SPATA1: variants seen among roughly 807,000 people sequenced by gnomAD.
The protein encoded by SPATA1 is spermatogenesis-associated protein 1.
SPATA1 carries 57 observed loss-of-function variants against 59.6 expected under a neutral mutation model. The ratio of observed to expected loss-of-function variants is 0.96; its 90% CI spans 0.77 to 1.19. The LOEUF is 1.19. Among genes scored for constraint, SPATA1 ranks in the 50% most tolerant of loss-of-function variants. The probability of loss-of-function intolerance (pLI) is 0.00; values close to 1 mark genes in which losing one functional copy is unlikely to be tolerated. For missense variants in SPATA1, 448 were observed against 480.7 expected (o/e 0.93, Z 0.64); for synonymous variants, 147 against 163.9 (o/e 0.90, Z 0.79).
At chr1:84,508,534 GACC>G (rs1226150027) in intron 1 of SPATA1, among the ~76,000 whole-genome samples, 2 of 152,160 alleles carry the variant, frequency 1.3e-5, no homozygotes, top group African/African-American at 4.8e-5. Context: ...GCCAAGAAAA[GACC>G]ACCAAGTAAT....
rs1265149184 is a variant in SPATA1 at position 84,560,040 on chromosome 1, C to T, written n.442+4061C>T. Among the ~76,000 whole-genome samples, 7 of 139,316 alleles carry T rather than the reference C, an allele frequency of 5.0e-5. No individual in the cohort carries two copies. The East Asian group carries it at 1.5e-3, about 30-fold the overall frequency. The allele number at this position is 139,316 out of a possible 152,430, so 91.4% of individuals were successfully genotyped here. On this transcript the variant is annotated intron_variant and non_coding_transcript_variant, in intron 4 of 4. Transcript: ENST00000460286. ...CAGAGGGTGCAGTGAACCCAGAGGG[C>T]GCCACTGCACTACAGCCTGGGCGAC...
chr1:84,516,283 G>T, exon 2 of SPATA1: 3 of 1,261,370 alleles, frequency 2.4e-6, no homozygotes, highest in Non-Finnish European at 3.2e-6. Context: ...TTTTTATTTA[G>T]TACTACTTAA....
chr1:84,513,695 C>T (rs1307117312), intron 1 of SPATA1, among the ~76,000 whole-genome samples: 2 of 152,206 alleles, frequency 1.3e-5, no homozygotes, highest in African/African-American at 2.4e-5. Flanking sequence ...GTTACTTCCT[C>T]AGTTTGCTTC....
chr1:84,563,335 C>G (rs1055940606), intron 4 of SPATA1: 1 of 1,598,622 alleles, frequency 6.3e-7, no homozygotes, highest in Admixed American at 1.7e-5. Context: ...GCTTCATGAT[C>G]GTTTTGTAGG....
At chr1:84,545,222 A>T (rs186481270) in intron 9 of SPATA1, among the ~76,000 whole-genome samples, 2,309 of 148,554 alleles carry the variant, frequency 0.016, 59 homozygotes, top group African/African-American at 0.053. Context: ...ATCTCAAAAA[A>T]ATATATATAT....
chr1:84,539,052 C>T (rs187364782), intron 8 of SPATA1, among the ~76,000 whole-genome samples: 1 of 152,312 alleles, frequency 6.6e-6, no homozygotes, highest in African/African-American at 2.4e-5. Flanking sequence ...CGGCCCTCCT[C>T]AGCCTCCCAA....
intron 1 of SPATA1, among the ~76,000 whole-genome samples, chr1:84,512,249 T>G (rs1424108400): frequency 6.6e-6 from 1 of 152,220 alleles, no homozygotes; most frequent in African/African-American, 2.4e-5. Flanking sequence ...ACTTGTTGCA[T>G]TCCTTGAGCA....
chr1:84,544,093 C>T (rs1683999060), intron 8 of SPATA1, 109 bp from the exon 9 acceptor site: 1 of 714,916 alleles, frequency 1.4e-6, no homozygotes, highest in Non-Finnish European at 2.4e-6. Context: ...TTCATCACCA[C>T]TAAGTAAAAA....
intron 12 of SPATA1, chr1:84,550,799 T>C: frequency 2.0e-6 from 2 of 1,023,484 alleles, no homozygotes; most frequent in South Asian, 4.6e-5. Flanking sequence ...TGTGAGTCAA[T>C]ATATTCTCAA....
At chr1:84,517,085 C>A (rs1682826721) in intron 2 of SPATA1, among the ~76,000 whole-genome samples, 1 of 152,158 alleles carries the variant, frequency 6.6e-6, no homozygotes, top group Non-Finnish European at 1.5e-5. Flanking sequence ...CCTTTCATTA[C>A]TAAATCTGTT....
At chr1:84,521,330 A>T (rs959809587) in intron 3 of SPATA1, among the ~76,000 whole-genome samples, 2 of 152,206 alleles carry the variant, frequency 1.3e-5, no homozygotes, top group African/African-American at 4.8e-5. Flanking sequence ...GTATTTTCAA[A>T]TTCACAAAAA....
At chr1:84,554,813 T>A (rs1803276), downstream of SPATA1, 10,778 of 524,316 alleles carry the variant, frequency 0.021, 992 homozygotes, top group African/African-American at 0.19. Flanking sequence ...GCTTCTTGCC[T>A]TTATGTTCCT....
chr1:84,524,984 G>T lies in SPATA1; in HGVS notation c.262-712G>T, dbSNP rs1268057457. 4.6e-5 allele frequency among the ~76,000 whole-genome samples: 7 copies of T among 152,134 alleles called. No individual in the cohort carries two copies. The South Asian group carries it at 8.3e-4, about 18-fold the overall frequency. On this transcript the variant is annotated intron_variant, in intron 4 of 12. Transcript: ENST00000490879. ...CAGTATTTGTGTTTTGTTTTGTTTT[G>T]TTTTGTTTTTGAGACAGAGTCTCCC... is the stretch of plus-strand genomic sequence containing the variant.
At chr1:84,520,802 C>A (rs572389945) in intron 3 of SPATA1, 111 bp downstream of exon 3, 2 of 710,322 alleles carry the variant, frequency 2.8e-6, no homozygotes, top group Admixed American at 6.2e-5. Context: ...ATTTTGTCCA[C>A]GTGATAGATC....
chr1:84,544,221 TCA>T lies in SPATA1; in HGVS notation c.739_740del (p.Thr247ProfsTer19). 2 of 1,599,956 alleles carry T rather than the reference TCA, an allele frequency of 1.3e-6. No homozygotes were observed. Among genetic ancestry groups the T allele is most frequent in the Non-Finnish European group, 1.7e-6 (2 of 1,172,304 alleles). On this transcript the variant is annotated frameshift_variant, in exon 9 of 13. Coordinates refer to ENST00000490879, the Ensembl canonical transcript of SPATA1. LOFTEE classifies it high-confidence loss of function. ...TTACAGACAGCTGAAAAAGAGTACATCACCCTACCAGATCACCCTTCACTTCC... is the reference window on the plus strand; with the variant it reads ...TTACAGACAGCTGAAAAAGAGTACATCCCTACCAGATCACCCTTCACTTCC...
At chr1:84,529,613 C>A (rs1315457114) in intron 6 of SPATA1, among the ~76,000 whole-genome samples, 1 of 115,658 alleles carries the variant, frequency 8.6e-6, no homozygotes, top group East Asian at 2.6e-4. Context: ...GACGGAGTCT[C>A]GCTCTGTTGC....
At chr1:84,532,461 A>C (rs1471500666) in intron 6 of SPATA1, among the ~76,000 whole-genome samples, 1 of 151,996 alleles carries the variant, frequency 6.6e-6, no homozygotes, top group African/African-American at 2.4e-5. Flanking sequence ...GCACCACTGC[A>C]CTCCAGCCTG....
At chr1:84,507,494 A>G (rs1010707741) in intron 1 of SPATA1, among the ~76,000 whole-genome samples, 1 of 152,218 alleles carries the variant, frequency 6.6e-6, no homozygotes, top group Non-Finnish European at 1.5e-5. Flanking sequence ...TTCAAAGTAA[A>G]TTATACAGCT....
At chr1:84,537,004 C>T (rs1000920404) in intron 8 of SPATA1, among the ~76,000 whole-genome samples, 9 of 151,590 alleles carry the variant, frequency 5.9e-5, no homozygotes, top group African/African-American at 2.2e-4. Context: ...CTCAGCCTTC[C>T]GAGTAGCTGG....
Sources: allele counts gnomAD v4.1 joint callset (sites outside exome capture counted in the v4.1 genomes callset), GRCh38; gene constraint gnomAD v4.1.1; transcripts MANE v1.5; gene names NCBI Gene and HGNC (gene_info 2026-07-23, HGNC 2026-07-21).